STRN4: variants seen among roughly 807,000 people sequenced by gnomAD.
The protein encoded by STRN4 is striatin 4.
STRN4 carries 27 observed loss-of-function variants against 77.9 expected under a neutral mutation model. The observed-to-expected ratio is 0.35, with a 90% CI of 0.26 to 0.48. The LOEUF (loss-of-function observed/expected upper bound fraction) is 0.48. Ranked by LOEUF, STRN4 falls within the 20% of genes least tolerant of loss-of-function variation. The pLI, the probability that STRN4 is intolerant of heterozygous loss-of-function variation, is 0.99. For missense variants in STRN4, 798 were observed against 1,049.7 expected, an observed-to-expected ratio of 0.76 and a Z score of 3.31; for synonymous variants, 466 against 443.1, an observed-to-expected ratio of 1.05 and a Z score of -0.65.
At position 46,720,824 on chromosome 19, in the gene STRN4, G is replaced by A. The variant is rs181938008; in HGVS notation, c.2093-53C>T. 3,107 of 1,493,520 alleles carry A rather than the reference G, an allele frequency of 2.1e-3. 6 individuals carry two copies. Among genetic ancestry groups the A allele is most frequent in the Non-Finnish European group, 2.3e-3 (2,591 of 1,113,636 alleles). The allele number at this position is 1,493,520 out of a possible 1,614,324, so 92.5% of individuals were successfully genotyped here. On this transcript the variant is annotated intron_variant, in intron 16 of 17. Transcript: ENST00000263280. Reference sequence around the variant, plus strand: ...TGGTCACTGGGCTCCTCGCTCAGACGCAGCCCTGGAACCCCTCACCTGGCC... The same window carrying A: ...TGGTCACTGGGCTCCTCGCTCAGACACAGCCCTGGAACCCCTCACCTGGCC...
At chr19:46,728,528 T>C in intron 7 of STRN4, 90 bp downstream of exon 7, 1 of 1,486,528 alleles carries the variant, frequency 6.7e-7, no homozygotes, top group Admixed American at 2.1e-5. Context: ...AGAGAGACCC[T>C]GTACAGGAAG....
At chr19:46,734,294 T>C (rs62134790) in intron 4 of STRN4, among the ~76,000 whole-genome samples, 25,913 of 152,174 alleles carry the variant, frequency 0.17, 2,738 homozygotes, top group Non-Finnish European at 0.24. Flanking sequence ...AGCCAACAGG[T>C]GGAAAATGTT....
chr19:46,723,310 G>A lies in STRN4; in HGVS notation c.1595-26C>T. 2 of 1,522,688 alleles carry A rather than the reference G, an allele frequency of 1.3e-6. No individual in the cohort carries two copies. The highest frequency in any genetic ancestry group is 8.8e-7 in the Non-Finnish European group (1 of 1,135,180). 94.3% of individuals were successfully genotyped at this position (1,522,688 alleles called of 1,614,324 possible). On this transcript the variant is annotated intron_variant, in intron 12 of 17. Transcript: ENST00000263280. The surrounding 1 kb of genome is among the most constrained non-coding windows in gnomAD (Gnocchi z 5.5). Reference sequence around the variant, plus strand: ...CTGCACCCACCGCAGGGAGGAAATGGGCTGTGTCAGGGCTGCCAGCTCCTC... The same window carrying A: ...CTGCACCCACCGCAGGGAGGAAATGAGCTGTGTCAGGGCTGCCAGCTCCTC...
chr19:46,724,249 CAA>C (rs71970589), intron 12 of STRN4, among the ~76,000 whole-genome samples: 101 of 87,168 alleles, frequency 1.2e-3, no homozygotes, highest in African/African-American at 4.0e-3. Context: ...CTCTTTGTCT[CAA>C]AAAAAAAAAA....
At chr19:46,722,698 G>T in intron 14 of STRN4, 112 bp downstream of exon 14, 1 of 1,475,762 alleles carries the variant, frequency 6.8e-7, no homozygotes, top group Non-Finnish European at 9.2e-7. Flanking sequence ...AGGGCCTGAG[G>T]GTGCAGGGGA....
At position 46,732,758 on chromosome 19, in the gene STRN4, G is replaced by A. The variant is rs2054280904; in HGVS notation, c.737+281C>T. On this transcript the variant is annotated intron_variant, in intron 5 of 17. Coordinates refer to ENST00000263280, the MANE Select transcript of STRN4 (RefSeq NM_013403.3). ...GCGAGGCACCCAGGGTGTGCCTTCG[G>A]TAAGCACCCCACTCGACCGAGAAGC... 1.4e-5 allele frequency: 6 copies of A among 422,110 alleles called. No individual in the cohort carries two copies. In the East Asian group the frequency reaches 1.7e-4, roughly 12 times the overall value. 26.1% of individuals were successfully genotyped at this position (422,110 alleles called of 1,614,324 possible). A position where few individuals can be genotyped will look rare whatever the true frequency, so the allele number is the denominator to read the frequency against.
chr19:46,746,043 G>GGCGGCCCGGCGGC, intron 1 of STRN4, 106 bp downstream of exon 1: 8 of 1,161,888 alleles, frequency 6.9e-6, no homozygotes, highest in African/African-American at 1.7e-5. Flanking sequence ...CCCCCCGCCG[G>GGCGGCCCGGCGGC]CCGTCCCGGC....
At position 46,733,286 on chromosome 19, in the gene STRN4, T is replaced by C. The variant is rs769357852; in HGVS notation, c.540-50A>G. Reference sequence around the variant, plus strand: ...GTCAGACATCCCCTGGGCTTCTTCATGTACCACAGGGGCCAATGCAAACCG... The same window carrying C: ...GTCAGACATCCCCTGGGCTTCTTCACGTACCACAGGGGCCAATGCAAACCG... On this transcript the variant is annotated intron_variant, in intron 4 of 17. Transcript: ENST00000263280. This position sits in a 1 kb window ranked among gnomAD's most constrained non-coding sequence, Gnocchi z 4.3. The C allele has an allele frequency of 6.4e-6, 10 of 1,570,782 alleles. No homozygotes were observed. The highest frequency in any genetic ancestry group is 6.9e-6 in the Non-Finnish European group (8 of 1,157,940).
In STRN4 at chr19:46,738,222, T is replaced by A. The variant is rs1475601806; in HGVS notation, c.402A>T (p.Lys134Asn). ...ALKQERAKYHKLKFGTDLNQG... is the reference protein window; with the variant it reads ...ALKQERAKYHNLKFGTDLNQG... ...GGTTCAGGTCTGTCCCAAACTTCAG[T>A]TTATGATATTTGGCCCTAAAAGAGC... is the stretch of plus-strand genomic sequence containing the variant. The change falls in exon 3 of 18, where the codon AAA (lysine) becomes AAT (asparagine). Residue 134 changes from lysine (K) to asparagine (N), a missense_variant. This residue lies in a region of STRN4 where 511 missense variants were observed against 575.9 expected (regional missense o/e 0.89). Transcript: ENST00000263280. This position sits in a 1 kb window ranked among gnomAD's most constrained non-coding sequence, Gnocchi z 4.5. The A allele has an allele frequency of 7.4e-6, 12 of 1,614,138 alleles. No homozygotes were observed. The highest frequency in any genetic ancestry group is 1.0e-5 in the Non-Finnish European group (12 of 1,179,964).
rs201327788 is a variant in STRN4, at chr19:46,728,650, C to T, written c.1007G>A (p.Arg336Gln). The T allele has an allele frequency of 6.9e-5, 111 of 1,613,914 alleles. No homozygotes were observed. Among genetic ancestry groups the T allele is most frequent in the Non-Finnish European group, 1.9e-5 (23 of 1,179,988 alleles). Residue 336 changes from arginine (R) to glutamine (Q), a missense_variant, in exon 7 of 18, where the codon CGG becomes CAG. Physicochemically the swap from Arg to Gln is conservative, Grantham distance 43. Transcript: ENST00000263280. ...ATGGGGGCTCCCATCCACAGTGCAC[C>T]GCCGAGGGTCTGGAGCCCCTTCCCC... Reference protein sequence around the residue: ...EDGEGAPDPRRCTVDGSPHEL... With the variant: ...EDGEGAPDPRQCTVDGSPHEL...
intron 5 of STRN4, chr19:46,732,313 C>T (rs2054272393): frequency 6.6e-6 from 1 of 152,642 alleles, no homozygotes; most frequent in South Asian, 2.0e-4. Context: ...CTCGAAAGCA[C>T]TGGCTTCCCA....
rs149490274 is a variant in STRN4 at position 46,722,832 on chromosome 19, C to T, written c.1884G>A (p.Thr628=). Residue 628 remains threonine (T), a synonymous_variant, in exon 14 of 18, where the codon ACG becomes ACA. Coordinates refer to ENST00000263280, the MANE Select transcript of STRN4 (RefSeq NM_013403.3). The part of the protein sequence containing the change: ...YDMEVGSALL[T]LESRGSSGPT... ...TACCGCTGCTGCCCCGGGACTCCAG[C>T]GTGAGGAGGGCACTGCCAACCTCCA... The T allele has an allele frequency of 5.5e-4, 883 of 1,613,906 alleles. 1 individual carries two copies. In the African/African-American group the frequency reaches 7.4e-3, roughly 13 times the overall value.
chr19:46,727,871 A>T (rs1340906343), intron 8 of STRN4, 23 bp downstream of exon 8: 3 of 1,568,662 alleles, frequency 1.9e-6, no homozygotes, highest in Non-Finnish European at 2.6e-6. Flanking sequence ...CAGGACTGGG[A>T]CCAGGTGGGG....
intron 1 of STRN4, among the ~76,000 whole-genome samples, chr19:46,743,313 G>A (rs1015953398): frequency 2.6e-5 from 4 of 152,054 alleles, no homozygotes; most frequent in African/African-American, 7.2e-5. Context: ...CAGAATAAAA[G>A]AAAACAAAAG....
chr19:46,731,052 C>T, intron 5 of STRN4, 179 bp from the exon 6 acceptor site: 1 of 818,808 alleles, frequency 1.2e-6, no homozygotes, highest in Non-Finnish European at 1.9e-6. Context: ...CCAACAAATG[C>T]TCATTCCAAC....
chr19:46,728,364 G>A (rs897446686), intron 7 of STRN4: 6 of 596,614 alleles, frequency 1.0e-5, no homozygotes, highest in East Asian at 2.9e-5. Flanking sequence ...CTGGACGCCC[G>A]CCCTGGAGGG....
chr19:46,725,964 C>T (rs922522672), intron 9 of STRN4: 4 of 317,942 alleles, frequency 1.3e-5, no homozygotes, highest in African/African-American at 6.3e-5. Context: ...GATCATCAGC[C>T]ATGAGCAGGG....
chr19:46,730,021 C>G (rs1243264697), intron 6 of STRN4, among the ~76,000 whole-genome samples: 1 of 152,152 alleles, frequency 6.6e-6, no homozygotes, highest in Non-Finnish European at 1.5e-5. Context: ...GGTGTGGGCC[C>G]GAAGGGGTGC....
At chr19:46,732,621 T>C (rs1266949719) in intron 5 of STRN4, 1 of 176,686 alleles carries the variant, frequency 5.7e-6, no homozygotes, top group African/African-American at 2.4e-5. Context: ...TCCATCGTGC[T>C]TAGCATCACC....
Sources: gnomAD v4.1 joint callset for allele counts (sites outside exome capture counted in the v4.1 genomes callset) on GRCh38, gnomAD v4.1.1 for gene constraint, gnomAD v4.1.1 regional missense constraint, Gnocchi (gnomAD v3.1) non-coding constraint, MANE v1.5 for transcripts, NCBI Gene and HGNC (gene_info 2026-07-23, HGNC 2026-07-21) for gene names.